The following RPUSD3 variants were observed in gnomAD, a reference collection of about 807,000 sequenced individuals.
RPUSD3 encodes RNA pseudouridine synthase D3.
RPUSD3 carries 36 observed loss-of-function variants against 35.1 expected under a neutral mutation model. That is an observed-to-expected ratio of 1.02 (90% CI 0.79 to 1.35). RPUSD3 has a LOEUF of 1.35. Among genes scored for constraint, RPUSD3 ranks in the 40% most tolerant of loss-of-function variants. The pLI, the probability that RPUSD3 is intolerant of heterozygous loss-of-function variation, is 0.00. For synonymous variants in RPUSD3, 202 were observed against 187.8 expected (o/e 1.08, Z -0.62); for missense variants, 486 against 441.9 (o/e 1.10, Z -0.89).
chr3:9,843,818 G>C, intron 1 of RPUSD3, 72 bp downstream of exon 1: 5 of 1,554,530 alleles, frequency 3.2e-6, no homozygotes, highest in Non-Finnish European at 4.4e-6. Flanking sequence ...ACATCTACCT[G>C]ATCCAGATCC....
At chr3:9,843,537 C>T in exon 2 of RPUSD3, 1 of 1,613,886 alleles carries the variant, frequency 6.2e-7, no homozygotes, top group South Asian at 1.1e-5. Context: ...GGCAGCAGCC[C>T]CGCGAAGGGC....
At chr3:9,843,626 G>T (rs755188309) in intron 1 of RPUSD3, 25 bp from the exon 2 acceptor site, 3 of 1,612,362 alleles carry the variant, frequency 1.9e-6, no homozygotes, top group East Asian at 4.5e-5. Flanking sequence ...AGAAGCAATG[G>T]GAGTCATTCC....
chr3:9,843,410 C>A, intron 2 of RPUSD3, 55 bp downstream of exon 2: 1 of 1,604,088 alleles, frequency 6.2e-7, no homozygotes. Flanking sequence ...AGCCCAACTG[C>A]ACGCCGAGGC....
At chr3:9,839,284 T>C (rs2082068631) in intron 7 of RPUSD3, 113 bp from the exon 8 acceptor site, 1 of 1,284,958 alleles carries the variant, frequency 7.8e-7, no homozygotes, top group Non-Finnish European at 1.1e-6. Context: ...TCAGATCATA[T>C]GTTTCAGTGA....
At chr3:9,840,347 C>A (rs1178056192) in intron 6 of RPUSD3, 40 bp from the exon 7 acceptor site, 1 of 1,614,022 alleles carries the variant, frequency 6.2e-7, no homozygotes, top group African/African-American at 1.3e-5. Flanking sequence ...TTACACAGGT[C>A]TGGGAGCTAT....
At chr3:9,842,374 T>C (rs1021181092) in intron 2 of RPUSD3, 131 bp from the exon 3 acceptor site, 5 of 866,350 alleles carry the variant, frequency 5.8e-6, no homozygotes, top group Admixed American at 5.5e-5. Context: ...ATGAGTTAAC[T>C]ACCCCACACC....
intron 2 of RPUSD3, chr3:9,843,201 CTAGTA>C: frequency 1.9e-6 from 1 of 519,498 alleles, no homozygotes; most frequent in Non-Finnish European, 3.4e-6. Context: ...AAACAATAAT[CTAGTA>C]TAGCAACTCC....
At chr3:9,838,640 C>T (rs973212155) in intron 8 of RPUSD3, among the ~76,000 whole-genome samples, 8 of 152,298 alleles carry the variant, frequency 5.3e-5, no homozygotes, top group African/African-American at 1.7e-4. Context: ...AGCCCACTCC[C>T]ATTATTTGAC....
intron 1 of RPUSD3, 87 bp downstream of exon 1, chr3:9,843,803 G>A: frequency 1.3e-6 from 2 of 1,550,872 alleles, no homozygotes; most frequent in Middle Eastern, 3.3e-4. Flanking sequence ...GGCTGTTTTC[G>A]GGTAACATCT....
At position 9,841,967 on chromosome 3, in the gene RPUSD3, C is replaced by G; in HGVS notation, c.407+16G>C. On this transcript the variant is annotated intron_variant, in intron 4 of 8. Transcript: ENST00000383820. ...GATGCCTGTACTCCTAGCTTCCTGT[C>G]ACCCCTACCACTTACTTCCCAGATG... 3 of 1,609,832 alleles carry G rather than the reference C, an allele frequency of 1.9e-6. No individual in the cohort carries two copies. The highest frequency in any genetic ancestry group is 2.6e-6 in the Non-Finnish European group (3 of 1,176,400).
intron 2 of RPUSD3, 162 bp from the exon 3 acceptor site, chr3:9,842,405 C>A (rs186205511): frequency 7.7e-5 from 54 of 703,248 alleles, no homozygotes; most frequent in Middle Eastern, 7.7e-4. Context: ...TCTTTCTGTT[C>A]CTCTGCCACC....
Position 9,838,223 on chromosome 3 carries a change from T to G in RPUSD3, c.865-16A>C. ...CATCCAGGACCTGGAGCGGGAGAGG[T>G]ACGTTGTGTTCAGCCCCACATTTTC... On this transcript the variant is annotated splice_polypyrimidine_tract_variant and intron_variant, in intron 8 of 8. Transcript: ENST00000383820. 1 of 1,611,126 alleles carries G rather than the reference T, an allele frequency of 6.2e-7. No individual in the cohort carries two copies. Among genetic ancestry groups the G allele is most frequent in the South Asian group, 1.1e-5 (1 of 90,936 alleles).
At chr3:9,843,384 C>G in intron 2 of RPUSD3, 81 bp downstream of exon 2, 3 of 1,579,822 alleles carry the variant, frequency 1.9e-6, no homozygotes, top group Non-Finnish European at 2.6e-6. Context: ...GGGCTGATCC[C>G]GTGGCTTCAA....
At chr3:9,841,932 A>C in intron 4 of RPUSD3, 51 bp downstream of exon 4, 1 of 1,475,150 alleles carries the variant, frequency 6.8e-7, no homozygotes. Flanking sequence ...CTGTTTCCCC[A>C]CCACAGATGG....
chr3:9,843,125 CAGGTG>C (rs2082126897), intron 2 of RPUSD3: 1 of 258,144 alleles, frequency 3.9e-6, no homozygotes, highest in Non-Finnish European at 7.6e-6. Flanking sequence ...CTCCTGACCT[CAGGTG>C]ATCCGCCCGC....
At chr3:9,843,471 G>T in exon 2 of RPUSD3, 1 of 1,613,874 alleles carries the variant, frequency 6.2e-7, no homozygotes, top group Non-Finnish European at 8.5e-7. Flanking sequence ...TCACCTTTCC[G>T]GTCCACCACG....
chr3:9,842,035 G>T (rs1036243080), exon 4 of RPUSD3: 3 of 1,613,380 alleles, frequency 1.9e-6, no homozygotes, highest in Non-Finnish European at 2.5e-6. Flanking sequence ...CCTAGGGACT[G>T]GCTCAGCTCT....
At chr3:9,841,556 TGAACTTCTGGACTC>T (rs2082104290) in intron 4 of RPUSD3, 1 of 162,582 alleles carries the variant, frequency 6.2e-6, no homozygotes, top group Non-Finnish European at 1.3e-5. Context: ...AGGCTGGTCT[TGAACTTCTGGACTC>T]AAGCAATCCT....
intron 8 of RPUSD3, 67 bp downstream of exon 8, chr3:9,838,965 G>T: frequency 6.2e-7 from 1 of 1,609,442 alleles, no homozygotes; most frequent in Non-Finnish European, 8.5e-7. Context: ...ATAAGGTCTG[G>T]AGATGCTGCC....
Sources: allele counts gnomAD v4.1 joint callset (sites outside exome capture counted in the v4.1 genomes callset), GRCh38; gene constraint gnomAD v4.1.1; transcripts MANE v1.5; gene names NCBI Gene and HGNC (gene_info 2026-07-23, HGNC 2026-07-21).